The following TMEM243 variants were observed in gnomAD, a reference collection of about 807,000 sequenced individuals.
The protein encoded by TMEM243 is MDR1 and mitochondrial taxol resistance associated.
A neutral mutation model predicts 15.0 loss-of-function variants in TMEM243; 20 were observed. That is an observed-to-expected ratio of 1.33 (90% CI 0.94 to 1.93). TMEM243 has a LOEUF of 1.93. Ranked by LOEUF, TMEM243 falls within the 30% of genes most tolerant of loss-of-function variation. TMEM243 has a pLI of 0.00. For synonymous variants in TMEM243, 72 were observed against 52.7 expected (o/e 1.37, Z -1.59); for missense variants, 156 against 142.1 (o/e 1.10, Z -0.50).
intron 1 of TMEM243, among the ~76,000 whole-genome samples, chr7:87,216,435 G>A (rs573035556): frequency 3.3e-5 from 5 of 152,262 alleles, no homozygotes; most frequent in East Asian, 1.9e-4. Context: ...TACAAAGTGA[G>A]ACACTGCCTC....
chr7:87,198,896 G>T, intron 2 of TMEM243, 111 bp downstream of exon 2: 3 of 945,240 alleles, frequency 3.2e-6, no homozygotes, highest in Non-Finnish European at 4.7e-6. Flanking sequence ...CAATTTTGTG[G>T]TAATAAAATT....
chr7:87,217,846 T>A (rs1435801095), intron 1 of TMEM243, among the ~76,000 whole-genome samples: 1 of 152,242 alleles, frequency 6.6e-6, no homozygotes, highest in East Asian at 1.9e-4. Context: ...GAAACTGAAA[T>A]CATTGGACGT....
At chr7:87,211,758 C>G (rs1163905409) in intron 1 of TMEM243, among the ~76,000 whole-genome samples, 1 of 152,178 alleles carries the variant, frequency 6.6e-6, no homozygotes. Context: ...ACAGGAGCTT[C>G]CCCTTGCACT....
chr7:87,209,528 G>A (rs565060230), intron 1 of TMEM243, among the ~76,000 whole-genome samples: 114 of 50,080 alleles, frequency 2.3e-3, no homozygotes, highest in African/African-American at 0.012. Context: ...GAGAGAGAGA[G>A]TGAGAGAGAA....
At chr7:87,199,225 G>C in intron 1 of TMEM243, 168 bp from the exon 2 acceptor site, 1 of 510,052 alleles carries the variant, frequency 2.0e-6, no homozygotes, top group East Asian at 3.3e-5. Flanking sequence ...AACCATAAGA[G>C]TGGAAAATGT....
At chr7:87,200,500 G>A (rs558021066) in intron 1 of TMEM243, among the ~76,000 whole-genome samples, 1 of 152,176 alleles carries the variant, frequency 6.6e-6, no homozygotes, top group Non-Finnish European at 1.5e-5. Flanking sequence ...GAGCGCCAGG[G>A]ATTTCCAAAA....
intron 1 of TMEM243, among the ~76,000 whole-genome samples, chr7:87,217,483 G>T (rs1253959995): frequency 6.6e-6 from 1 of 152,134 alleles, no homozygotes; most frequent in African/African-American, 2.4e-5. Flanking sequence ...CATTTGCTGT[G>T]AACACATATG....
intron 1 of TMEM243, among the ~76,000 whole-genome samples, chr7:87,217,092 T>C (rs1361296495): frequency 6.6e-6 from 1 of 152,234 alleles, no homozygotes; most frequent in Admixed American, 6.5e-5. Flanking sequence ...TCAGTTCTCT[T>C]TGCCTTAGAG....
chr7:87,198,951 TAA>T (rs1441462778), intron 2 of TMEM243, 54 bp downstream of exon 2: 6 of 1,455,982 alleles, frequency 4.1e-6, no homozygotes, highest in African/African-American at 3.0e-5. Flanking sequence ...CCATAATTGA[TAA>T]AGTTTTCAAA....
In TMEM243 at chr7:87,210,066, A is replaced by T. The variant is rs1283714607; in HGVS notation, c.78+9360T>A. ...GACAGAGGAGGGGAAGGGGGGACAG[A>T]TGGGGAGGGCGGGAGCGGGGAAGCG... On this transcript the variant is annotated intron_variant, in intron 1 of 3. Transcript: ENST00000257637. Among the ~76,000 whole-genome samples the T allele has an allele frequency of 7.5e-5, 3 of 39,838 alleles. No individual in the cohort carries two copies. In the Admixed American group the frequency reaches 1.1e-3, roughly 14 times the overall value. The allele number at this position is 39,838 out of a possible 152,430, so 26.1% of individuals were successfully genotyped here.
At chr7:87,209,769 C>T (rs1281810235) in intron 1 of TMEM243, among the ~76,000 whole-genome samples, 11 of 35,354 alleles carry the variant, frequency 3.1e-4, no homozygotes, top group Non-Finnish European at 6.2e-4. Flanking sequence ...ACAGTGAGAG[C>T]GAGACAGAGC....
At chr7:87,209,612 CAGAGAG>C (rs376909609) in intron 1 of TMEM243, among the ~76,000 whole-genome samples, 3 of 113,594 alleles carry the variant, frequency 2.6e-5, no homozygotes, top group Non-Finnish European at 5.7e-5. Context: ...GAGAGAGAGA[CAGAGAG>C]AGAGACTGAG....
intron 1 of TMEM243, among the ~76,000 whole-genome samples, chr7:87,208,868 G>A (rs943589367): frequency 6.6e-6 from 1 of 152,236 alleles, no homozygotes; most frequent in Non-Finnish European, 1.5e-5. Context: ...ATACTCTAAC[G>A]ATTGTACAAA....
At chr7:87,213,750 A>C (rs1372743894) in intron 1 of TMEM243, among the ~76,000 whole-genome samples, 1 of 151,476 alleles carries the variant, frequency 6.6e-6, no homozygotes, top group African/African-American at 2.4e-5. Context: ...AATCATAAAA[A>C]GCCCTTGCTT....
chr7:87,207,773 G>C (rs142585617), intron 1 of TMEM243, among the ~76,000 whole-genome samples: 1 of 152,178 alleles, frequency 6.6e-6, no homozygotes, highest in South Asian at 2.1e-4. Context: ...AGACAGCATC[G>C]CAGGGAGTCC....
intron 1 of TMEM243, among the ~76,000 whole-genome samples, chr7:87,212,563 A>G (rs1459163386): frequency 1.3e-5 from 2 of 152,238 alleles, no homozygotes; most frequent in Admixed American, 6.5e-5. Context: ...TTTTAATACA[A>G]TATTTTATTT....
At chr7:87,218,570 G>A (rs1243225311) in intron 1 of TMEM243, 1 of 151,560 alleles carries the variant, frequency 6.6e-6, no homozygotes, top group East Asian at 1.9e-4. Flanking sequence ...TTTATCAGAG[G>A]TCAAAGACCA....
chr7:87,199,144 C>T (rs1277084728), intron 1 of TMEM243, 87 bp from the exon 2 acceptor site: 1 of 1,106,226 alleles, frequency 9.0e-7, no homozygotes, highest in East Asian at 2.7e-5. Context: ...GGATGGTTTA[C>T]TATAAAGAAA....
In TMEM243 at chr7:87,219,448, A is replaced by AG; in HGVS notation, c.55dup (p.Leu19ProfsTer54). The AG allele has an allele frequency of 6.2e-7, 1 of 1,614,250 alleles. No homozygotes were observed. Among genetic ancestry groups the AG allele is most frequent in the African/African-American group, 1.3e-5 (1 of 75,064 alleles). ...CACCTTGGCGGACGTCTCCCCAAAC[A>AG]GAGGTCTGTTGTCCAGGCCACTGGT... On this transcript the variant is annotated frameshift_variant, in exon 1 of 4. Coordinates refer to ENST00000257637, the MANE Select transcript of TMEM243 (RefSeq NM_024315.4). LOFTEE classifies it high-confidence loss of function.
Sources: gnomAD v4.1 joint callset for allele counts (sites outside exome capture counted in the v4.1 genomes callset) on GRCh38, gnomAD v4.1.1 for gene constraint, MANE v1.5 for transcripts, NCBI Gene and HGNC (gene_info 2026-07-23, HGNC 2026-07-21) for gene names.